The following ZNHIT6 variants were observed in gnomAD, a reference collection of about 807,000 sequenced individuals.
ZNHIT6 encodes box C/D snoRNA protein 1.
In ZNHIT6, 45 loss-of-function variants were observed where a neutral mutation model predicts 57.2. The ratio of observed to expected loss-of-function variants is 0.79; its 90% CI spans 0.62 to 1.01. The LOEUF is 1.01. Among genes scored for constraint, ZNHIT6 ranks in the 50% least tolerant of loss-of-function variants. ZNHIT6 has a pLI of 0.00. For missense variants in ZNHIT6, 528 were observed against 567.3 expected (o/e 0.93, Z 0.70); for synonymous variants, 188 against 190.0 (o/e 0.99, Z 0.09).
intron 5 of ZNHIT6, among the ~76,000 whole-genome samples, chr1:85,687,068 G>C (rs1386271196): frequency 2.0e-5 from 3 of 151,140 alleles, no homozygotes; most frequent in Non-Finnish European, 4.4e-5. Context: ...TCAGGAGTTC[G>C]AGACAAGCCT....
At chr1:85,698,473 T>C (rs1350496181) in intron 5 of ZNHIT6, among the ~76,000 whole-genome samples, 4 of 152,098 alleles carry the variant, frequency 2.6e-5, no homozygotes, top group African/African-American at 9.7e-5. Context: ...TTTAAAACTT[T>C]TTTTAAAAAA....
chr1:85,664,565 A>G (rs540957670), intron 8 of ZNHIT6, among the ~76,000 whole-genome samples: 14 of 152,222 alleles, frequency 9.2e-5, no homozygotes, highest in South Asian at 2.1e-4. Flanking sequence ...GTTCTCACTT[A>G]TAAGTGGGAG....
At chr1:85,669,597 G>A (rs1661494717) in intron 8 of ZNHIT6, among the ~76,000 whole-genome samples, 1 of 152,162 alleles carries the variant, frequency 6.6e-6, no homozygotes, top group South Asian at 2.1e-4. Flanking sequence ...AAATTTTTGT[G>A]ATATCCATGA....
At chr1:85,706,709 C>T (rs1440524561) in intron 1 of ZNHIT6, among the ~76,000 whole-genome samples, 1 of 152,146 alleles carries the variant, frequency 6.6e-6, no homozygotes. Flanking sequence ...ATATGTAACT[C>T]AGGAAAATGT....
intron 8 of ZNHIT6, among the ~76,000 whole-genome samples, chr1:85,670,168 C>T (rs938268955): frequency 6.6e-5 from 10 of 152,022 alleles, no homozygotes; most frequent in Admixed American, 2.0e-4. Flanking sequence ...GAGCAGGAAT[C>T]GGCAAACTAC....
At chr1:85,660,730 C>T (rs1233370469) in intron 8 of ZNHIT6, among the ~76,000 whole-genome samples, 6 of 152,192 alleles carry the variant, frequency 3.9e-5, no homozygotes, top group African/African-American at 1.4e-4. Flanking sequence ...GATCCTGAAA[C>T]TGTAATGATT....
In ZNHIT6 at chr1:85,688,959, A is replaced by T. The variant is rs577573847; in HGVS notation, c.1020-8055T>A. 2.0e-5 allele frequency among the ~76,000 whole-genome samples: 3 copies of T among 152,298 alleles called. No individual in the cohort carries two copies. The East Asian group carries it at 5.8e-4, about 29-fold the overall frequency. On this transcript the variant is annotated intron_variant, in intron 5 of 9. Coordinates refer to ENST00000370574, the MANE Select transcript of ZNHIT6 (RefSeq NM_017953.4). Reference sequence around the variant, plus strand: ...CAAAATGTCCTCTGTATATAGCTCAAATCTGTTTAAACTGAGTATTCTATT... The same window carrying T: ...CAAAATGTCCTCTGTATATAGCTCATATCTGTTTAAACTGAGTATTCTATT...
rs753332239 is a variant in ZNHIT6 at position 85,654,062 on chromosome 1, T to C, written c.1409A>G (p.Asn470Ser). The change falls in exon 10 of 10, where the codon AAT becomes AGT. Residue 470 changes from asparagine to serine, a missense_variant. Physicochemically the swap from Asn to Ser is conservative, Grantham distance 46. Coordinates refer to ENST00000370574, the MANE Select transcript of ZNHIT6 (RefSeq NM_017953.4). ...SESTKNVGNE[N>S] ...TTCTTCTTCCAGAAAAAATGCTCAA[T>C]TTTCATTGCCAACGTTCTTGGTAGA... The C allele has an allele frequency of 6.2e-7, 1 of 1,612,558 alleles. No individual in the cohort carries two copies. Among genetic ancestry groups the C allele is most frequent in the South Asian group, 1.1e-5 (1 of 90,716 alleles).
chr1:85,677,717 C>T (rs1398141748), intron 7 of ZNHIT6, among the ~76,000 whole-genome samples: 1 of 152,118 alleles, frequency 6.6e-6, no homozygotes, highest in Non-Finnish European at 1.5e-5. Flanking sequence ...TGGGCATGAC[C>T]TTTTATCAAA....
chr1:85,686,759 T>G (rs1458823854), intron 5 of ZNHIT6, among the ~76,000 whole-genome samples: 2 of 152,158 alleles, frequency 1.3e-5, no homozygotes, highest in Admixed American at 1.3e-4. Context: ...CTGTTCTTTA[T>G]TGACACTGTA....
intron 8 of ZNHIT6, among the ~76,000 whole-genome samples, chr1:85,670,915 C>T (rs1379049753): frequency 2.6e-5 from 4 of 152,100 alleles, no homozygotes; most frequent in Admixed American, 6.6e-5. Flanking sequence ...AAATGCGTAC[C>T]AACATTTGTT....
chr1:85,665,813 A>C (rs1661354181), intron 8 of ZNHIT6, among the ~76,000 whole-genome samples: 1 of 152,182 alleles, frequency 6.6e-6, no homozygotes, highest in African/African-American at 2.4e-5. Context: ...TTCCTCAGAG[A>C]AACTTTTGCT....
intron 8 of ZNHIT6, among the ~76,000 whole-genome samples, chr1:85,664,168 A>G (rs532386178): frequency 1.3e-5 from 2 of 152,238 alleles, no homozygotes; most frequent in East Asian, 1.9e-4. Flanking sequence ...CTTTCTCCCC[A>G]TCCCCTTCAG....
chr1:85,668,583 T>C (rs905196119), intron 8 of ZNHIT6, among the ~76,000 whole-genome samples: 2 of 152,204 alleles, frequency 1.3e-5, no homozygotes, highest in Non-Finnish European at 2.9e-5. Flanking sequence ...ATATACTTAA[T>C]TCTGCACTAT....
rs973682939 is a variant in ZNHIT6, at chr1:85,702,204, G to C, written c.972C>G (p.Pro324=). 1.9e-6 allele frequency: 3 copies of C among 1,610,906 alleles called. No homozygotes were observed. The highest frequency in any genetic ancestry group is 2.5e-6 in the Non-Finnish European group (3 of 1,179,042). ...RRQGINLKLL[P]NGFTKRKENS... ...TCTCCTTCCTCTTGGTGAATCCATTGGGTAGAAGTTTTAAGTTAATACCTT... is the reference window on the plus strand; with the variant it reads ...TCTCCTTCCTCTTGGTGAATCCATTCGGTAGAAGTTTTAAGTTAATACCTT... The change falls in exon 5 of 10, where the codon CCC becomes CCG. Residue 324 remains proline, a synonymous_variant. Coordinates refer to ENST00000370574, the MANE Select transcript of ZNHIT6 (RefSeq NM_017953.4).
At chr1:85,682,709 T>C (rs902097912) in intron 5 of ZNHIT6, among the ~76,000 whole-genome samples, 2 of 152,230 alleles carry the variant, frequency 1.3e-5, no homozygotes, top group Non-Finnish European at 1.5e-5. Context: ...TTTTAAAATG[T>C]GATCTTCCAA....
intron 9 of ZNHIT6, among the ~76,000 whole-genome samples, chr1:85,656,370 A>T (rs1054398342): frequency 6.6e-6 from 1 of 152,154 alleles, no homozygotes; most frequent in Non-Finnish European, 1.5e-5. Context: ...CACCAGAAAA[A>T]TAGCAAATTT....
intron 5 of ZNHIT6, among the ~76,000 whole-genome samples, chr1:85,696,616 T>C (rs1179727242): frequency 6.6e-6 from 1 of 152,078 alleles, no homozygotes; most frequent in Non-Finnish European, 1.5e-5. Context: ...GCTAAATTCC[T>C]TGAGTACTTA....
At chr1:85,675,582 A>G (rs1661676698) in intron 8 of ZNHIT6, among the ~76,000 whole-genome samples, 1 of 152,152 alleles carries the variant, frequency 6.6e-6, no homozygotes, top group Non-Finnish European at 1.5e-5. Flanking sequence ...ACTGGCTTCA[A>G]CTTTAAGTCC....
Sources: allele counts gnomAD v4.1 joint callset (sites outside exome capture counted in the v4.1 genomes callset), GRCh38; gene constraint gnomAD v4.1.1; transcripts MANE v1.5; gene names NCBI Gene and HGNC (gene_info 2026-07-23, HGNC 2026-07-21).